Variants in DNAH3 observed in about 807,000 individuals in gnomAD.
DNAH3 encodes the protein axonemal beta dynein heavy chain 3.
In DNAH3, 332 loss-of-function variants were observed where a neutral mutation model predicts 432.5. That is an observed-to-expected ratio of 0.77 (90% CI 0.70 to 0.84). DNAH3 has a LOEUF of 0.84. DNAH3 is among the 40% of genes least tolerant of loss of function. The pLI is 0.00. For missense variants in DNAH3, 4,861 were observed against 5,114.0 expected (o/e 0.95, Z 1.51); for synonymous variants, 1,956 against 1,900.2 (o/e 1.03, Z -0.76).
intron 32 of DNAH3, among the ~76,000 whole-genome samples, chr16:21,040,699 C>T (rs973011340): frequency 8.6e-5 from 13 of 152,002 alleles, no homozygotes; most frequent in African/African-American, 3.1e-4. Flanking sequence ...GTTTTGCTAC[C>T]GACTAGCATG....
chr16:20,988,730 A>T (rs2086355758), intron 44 of DNAH3, among the ~76,000 whole-genome samples: 1 of 152,246 alleles, frequency 6.6e-6, no homozygotes, highest in Non-Finnish European at 1.5e-5. Flanking sequence ...TCTTAGTCTC[A>T]CTGACTTCAA....
intron 41 of DNAH3, among the ~76,000 whole-genome samples, chr16:21,018,479 T>TA (rs947945729): frequency 2.6e-5 from 4 of 152,198 alleles, no homozygotes; most frequent in Admixed American, 1.3e-4. Context: ...AAAAGCGACT[T>TA]AGAAGAAGCA....
intron 16 of DNAH3, among the ~76,000 whole-genome samples, chr16:21,099,071 T>C (rs945539020): frequency 6.6e-6 from 1 of 152,254 alleles, no homozygotes; most frequent in Non-Finnish European, 1.5e-5. Context: ...TATGTACACG[T>C]ATACATACTG....
chr16:21,131,280 C>A (rs1157006987), intron 7 of DNAH3, among the ~76,000 whole-genome samples: 2 of 151,830 alleles, frequency 1.3e-5, no homozygotes, highest in African/African-American at 4.8e-5. Context: ...GAACTCTAAT[C>A]ATGCCACTGC....
rs1363193950 is a variant in DNAH3 at position 21,060,368 on chromosome 16, G to A, written c.3721-12C>T. On this transcript the variant is annotated splice_polypyrimidine_tract_variant and intron_variant, in intron 25 of 61. Transcript: ENST00000261383. ...TTTTCCACCATGCCCTATGGAGCAA[G>A]ACAGAGAGAGGGTGCAGCAGTCAAC... 1 of 1,609,594 alleles carries A rather than the reference G, an allele frequency of 6.2e-7. No individual in the cohort carries two copies. The highest frequency in any genetic ancestry group is 1.7e-5 in the Admixed American group (1 of 59,964).
At chr16:21,133,897 T>C (rs2092604907) in intron 7 of DNAH3, among the ~76,000 whole-genome samples, 1 of 152,200 alleles carries the variant, frequency 6.6e-6, no homozygotes, top group Admixed American at 6.5e-5. Flanking sequence ...TTATTAACAT[T>C]ATCGCAAATT....
At chr16:21,153,691 G>A (rs1434035659) in intron 1 of DNAH3, among the ~76,000 whole-genome samples, 1 of 152,148 alleles carries the variant, frequency 6.6e-6, no homozygotes. Flanking sequence ...CCACCAGAAG[G>A]AAGAAACTCC....
intron 18 of DNAH3, among the ~76,000 whole-genome samples, chr16:21,096,237 G>A (rs904681763): frequency 6.6e-6 from 1 of 151,388 alleles, no homozygotes; most frequent in Non-Finnish European, 1.5e-5. Flanking sequence ...GGGCTCAAGC[G>A]TTCCTCCCAT....
chr16:21,094,894 C>T (rs761783290), intron 18 of DNAH3, among the ~76,000 whole-genome samples: 2 of 152,144 alleles, frequency 1.3e-5, no homozygotes, highest in Non-Finnish European at 2.9e-5. Flanking sequence ...AGTTCCCCTG[C>T]ACATGCTCTC....
exon 6 of DNAH3, chr16:21,136,498 G>A: frequency 4.3e-6 from 7 of 1,614,122 alleles, no homozygotes; most frequent in Non-Finnish European, 5.9e-6. Context: ...CCATTGGTCA[G>A]ATAGTAATAG....
chr16:21,065,006 T>A (rs2090495020), intron 24 of DNAH3, among the ~76,000 whole-genome samples: 1 of 152,032 alleles, frequency 6.6e-6, no homozygotes, highest in South Asian at 2.1e-4. Flanking sequence ...CAGTCTTGTA[T>A]CTTTGGGCAA....
intron 31 of DNAH3, among the ~76,000 whole-genome samples, chr16:21,048,718 TA>T (rs1028535588): frequency 6.6e-6 from 1 of 151,388 alleles, no homozygotes; most frequent in Non-Finnish European, 1.5e-5. Flanking sequence ...TTTTTTTTTT[TA>T]AACAGAGTTT....
intron 1 of DNAH3, chr16:21,158,830 G>T: frequency 6.2e-6 from 1 of 161,894 alleles, no homozygotes; most frequent in Non-Finnish European, 1.4e-5. Context: ...GAGGAGGAGC[G>T]CGGGGGCGAC....
intron 41 of DNAH3, among the ~76,000 whole-genome samples, chr16:21,007,880 G>A (rs2084941095): frequency 6.6e-6 from 1 of 152,152 alleles, no homozygotes; most frequent in Admixed American, 6.5e-5. Context: ...TTTCACTATA[G>A]TGTGAGGCAG....
In DNAH3 at chr16:21,062,561, TTGTC is replaced by T. The variant is rs767603820; in HGVS notation, c.3637_3640del (p.Asp1213IlefsTer7). 2.5e-6 allele frequency: 4 copies of T among 1,614,188 alleles called. No homozygotes were observed. The highest frequency in any genetic ancestry group is 2.2e-5 in the East Asian group (1 of 44,892). ...GCTGATCATGCCCACAATTTCCAGA[TTGTC>T]TGTAAACTCAAGCTTGGCAATTCCT... On this transcript the variant is annotated frameshift_variant, in exon 25 of 62. Transcript: ENST00000261383. LOFTEE classifies it high-confidence loss of function.
At chr16:20,938,682 A>G (rs1404756485) in intron 59 of DNAH3, among the ~76,000 whole-genome samples, 2 of 151,588 alleles carry the variant, frequency 1.3e-5, no homozygotes, top group Admixed American at 6.6e-5. Flanking sequence ...AAAAAAAAAA[A>G]AAAAAGGGAA....
chr16:20,933,307 C>T (rs765223025), exon 62 of DNAH3: 2 of 1,614,180 alleles, frequency 1.2e-6, no homozygotes, highest in Non-Finnish European at 1.7e-6. Context: ...AGACTGGACA[C>T]ACATAGATGT....
chr16:21,034,131 T>TC, intron 35 of DNAH3, 46 bp from the exon 36 acceptor site: 1 of 1,287,442 alleles, frequency 7.8e-7, no homozygotes, highest in Non-Finnish European at 1.1e-6. Flanking sequence ...ATTGCAACGC[T>TC]CCCCCATTGT....
chr16:21,108,708 A>G (rs1357785763), intron 14 of DNAH3, among the ~76,000 whole-genome samples: 1 of 152,120 alleles, frequency 6.6e-6, no homozygotes, highest in African/African-American at 2.4e-5. Context: ...ATGCCACTGC[A>G]CTCCAGTCTG....
Sources: allele counts gnomAD v4.1 joint callset (sites outside exome capture counted in the v4.1 genomes callset), GRCh38; gene constraint gnomAD v4.1.1; transcripts MANE v1.5; gene names NCBI Gene and HGNC (gene_info 2026-07-23, HGNC 2026-07-21).